The following PEX5L variants were observed in gnomAD, a reference collection of about 807,000 sequenced individuals.
The protein encoded by PEX5L is peroxisomal biogenesis factor 5 like.
In PEX5L, 30 loss-of-function variants were observed where a neutral mutation model predicts 84.0. The ratio of observed to expected loss-of-function variants is 0.36; its 90% CI spans 0.27 to 0.48. The LOEUF is 0.48. Ranked by LOEUF, PEX5L falls within the 20% of genes least tolerant of loss-of-function variation. PEX5L has a pLI of 0.99. For synonymous variants in PEX5L, 270 were observed against 283.1 expected (o/e 0.95, Z 0.46); for missense variants, 533 against 754.6 (o/e 0.71, Z 3.44).
chr3:179,863,090 G>T (rs548430014), intron 7 of PEX5L, among the ~76,000 whole-genome samples: 2 of 152,276 alleles, frequency 1.3e-5, no homozygotes, highest in Admixed American at 6.5e-5. Flanking sequence ...AATGGAGAAA[G>T]AACAGTGTCT....
At chr3:180,027,227 C>G (rs560728262) in intron 1 of PEX5L, among the ~76,000 whole-genome samples, 1 of 152,218 alleles carries the variant, frequency 6.6e-6, no homozygotes, top group Non-Finnish European at 1.5e-5. Flanking sequence ...GGGGTCCACA[C>G]TGACCTGTTC....
intron 1 of PEX5L, among the ~76,000 whole-genome samples, chr3:179,984,706 T>C (rs77471256): frequency 0.11 from 16,399 of 152,226 alleles, 918 homozygotes; most frequent in South Asian, 0.18. Context: ...TAGATTCTCA[T>C]GGAAAATTCC....
intron 7 of PEX5L, among the ~76,000 whole-genome samples, chr3:179,867,276 T>C (rs551379037): frequency 7.9e-5 from 12 of 152,224 alleles, no homozygotes; most frequent in Admixed American, 2.6e-4. Context: ...CAGAATAAAA[T>C]TTTGGGTTTT....
chr3:179,989,289 A>G (rs1366257060), intron 1 of PEX5L, among the ~76,000 whole-genome samples: 1 of 152,200 alleles, frequency 6.6e-6, no homozygotes, highest in Non-Finnish European at 1.5e-5. Context: ...TTAAAATGAG[A>G]CTATCTCTAC....
chr3:180,026,084 G>C (rs538361732), intron 1 of PEX5L, among the ~76,000 whole-genome samples: 5 of 149,164 alleles, frequency 3.4e-5, no homozygotes, highest in Non-Finnish European at 7.4e-5. Flanking sequence ...CAAATGTGAG[G>C]AATTATTAAG....
In PEX5L at chr3:179,991,488, G is replaced by T. The variant is rs369299090; in HGVS notation, c.22-19823C>A. Among the ~76,000 whole-genome samples the T allele has an allele frequency of 2.7e-3, 409 of 152,228 alleles. 1 individual carries two copies. Among genetic ancestry groups the T allele is most frequent in the African/African-American group, 9.1e-3 (376 of 41,544 alleles). Reference sequence around the variant, plus strand: ...GATGACCTGGCTGCTTTCCTGAGCTGCCCAAGGTCTCAGCATCCTTTTTTT... The same window carrying T: ...GATGACCTGGCTGCTTTCCTGAGCTTCCCAAGGTCTCAGCATCCTTTTTTT... On this transcript the variant is annotated intron_variant, in intron 1 of 14. Coordinates refer to ENST00000467460, the MANE Select transcript of PEX5L (RefSeq NM_016559.3).
In PEX5L at chr3:179,956,050, C is replaced by T. The variant is rs571108573; in HGVS notation, c.93+15544G>A. ...ATTTATTCACAGGAAGTAATCCTCT[C>T]GAGTGGCTCAAATGATTATTTTTAT... On this transcript the variant is annotated intron_variant, in intron 2 of 14. Coordinates refer to ENST00000467460, the MANE Select transcript of PEX5L (RefSeq NM_016559.3). 5.5e-4 allele frequency among the ~76,000 whole-genome samples: 84 copies of T among 152,202 alleles called. 3 individuals are homozygous for T. The South Asian group carries it at 0.017, about 31-fold the overall frequency.
At chr3:179,998,357 C>T (rs2110408342) in intron 1 of PEX5L, among the ~76,000 whole-genome samples, 1 of 152,316 alleles carries the variant, frequency 6.6e-6, no homozygotes, top group African/African-American at 2.4e-5. Flanking sequence ...CAGGAAAAGG[C>T]TTTGCAACAG....
At position 179,800,275 on chromosome 3, in the gene PEX5L, T is replaced by A. The variant is rs1718476343; in HGVS notation, c.*1553A>T. On this transcript the variant is annotated 3_prime_UTR_variant, in exon 15 of 15. Coordinates refer to ENST00000467460, the MANE Select transcript of PEX5L (RefSeq NM_016559.3). Reference sequence around the variant, plus strand: ...GGAGTCTTTTTTGTTGTTGTTGTTTTATTTTTTGTGGGTAGCTATAATCAT... The same window carrying A: ...GGAGTCTTTTTTGTTGTTGTTGTTTAATTTTTTGTGGGTAGCTATAATCAT... 1 of 152,222 alleles carries A rather than the reference T, an allele frequency of 6.6e-6. No individual in the cohort carries two copies. The highest frequency in any genetic ancestry group is 2.4e-5 in the African/African-American group (1 of 41,462). The allele number at this position is 152,222 out of a possible 1,614,324, so 9.4% of individuals were successfully genotyped here.
At chr3:179,977,765 A>G (rs914527766) in intron 1 of PEX5L, among the ~76,000 whole-genome samples, 1 of 152,038 alleles carries the variant, frequency 6.6e-6, no homozygotes, top group Non-Finnish European at 1.5e-5. Context: ...TTCTGAAGGG[A>G]AATTATTATT....
intron 8 of PEX5L, among the ~76,000 whole-genome samples, chr3:179,852,273 C>T (rs1742210846): frequency 6.6e-6 from 1 of 152,100 alleles, no homozygotes; most frequent in African/African-American, 2.4e-5. Flanking sequence ...GACAGGAGAC[C>T]TCATATGGGC....
rs889832549 is a variant in PEX5L at position 179,795,000 on chromosome 3, A to G, written c.*6828T>C. ...ATTCTAAAAAGAATCACAAAATTCA[A>G]TTTCAGGTTAAATAATATTTTAGTC... On this transcript the variant is annotated 3_prime_UTR_variant, in exon 15 of 15. Coordinates refer to ENST00000467460, the MANE Select transcript of PEX5L (RefSeq NM_016559.3). 2 of 152,236 alleles carry G rather than the reference A, an allele frequency of 1.3e-5. No homozygotes were observed. The allele number at this position is 152,236 out of a possible 1,614,324, so 9.4% of individuals were successfully genotyped here. A position where few individuals can be genotyped will look rare whatever the true frequency, so the allele number is the denominator to read the frequency against.
chr3:179,965,458 C>T (rs527448433), intron 2 of PEX5L, among the ~76,000 whole-genome samples: 2 of 152,246 alleles, frequency 1.3e-5, no homozygotes, highest in Non-Finnish European at 2.9e-5. Context: ...ACTTAAACTG[C>T]TTACTCCAAA....
At chr3:179,869,421 A>T (rs1320687660) in intron 7 of PEX5L, among the ~76,000 whole-genome samples, 1 of 152,236 alleles carries the variant, frequency 6.6e-6, no homozygotes, top group African/African-American at 2.4e-5. Flanking sequence ...TTAGTTACAC[A>T]GTTTGGGTAA....
chr3:179,845,103 T>C (rs1560344550), intron 8 of PEX5L, among the ~76,000 whole-genome samples: 1 of 152,232 alleles, frequency 6.6e-6, no homozygotes, highest in Non-Finnish European at 1.5e-5. Context: ...CATAGCCACT[T>C]CATCGATGTG....
At chr3:179,980,102 C>G (rs978577866) in intron 1 of PEX5L, among the ~76,000 whole-genome samples, 1 of 152,186 alleles carries the variant, frequency 6.6e-6, no homozygotes, top group African/African-American at 2.4e-5. Context: ...TTTATACCTT[C>G]TCTAGACCAG....
At chr3:179,827,190 G>A (rs1487032451) in intron 8 of PEX5L, among the ~76,000 whole-genome samples, 1 of 152,154 alleles carries the variant, frequency 6.6e-6, no homozygotes, top group Non-Finnish European at 1.5e-5. Context: ...GTCTTTGAAT[G>A]CCTGCCTTGA....
intron 2 of PEX5L, among the ~76,000 whole-genome samples, chr3:179,906,733 A>G (rs57823511): frequency 0.27 from 41,567 of 151,990 alleles, 6,160 homozygotes; most frequent in Non-Finnish European, 0.33. Context: ...TGTTATTTTT[A>G]AGTAAAGGAA....
Position 179,799,051 on chromosome 3 carries a change from CTGGTATTACAGG to C in PEX5L, c.*2765_*2776del, listed in dbSNP as rs68054193. The C allele has an allele frequency of 0.29, 44,027 of 151,852 alleles. 6,720 individuals carry two copies. Among genetic ancestry groups the C allele is most frequent in the African/African-American group, 0.39 (15,919 of 41,314 alleles). 9.4% of individuals were successfully genotyped at this position (151,852 alleles called of 1,614,324 possible). On this transcript the variant is annotated 3_prime_UTR_variant, in exon 15 of 15. Transcript: ENST00000467460. Reference sequence around the variant, plus strand: ...TCTCCTGCCTCAGCCTCCTGAGTAGCTGGTATTACAGGTGCATACCACTACACCCGGCTAATT... The same window carrying C: ...TCTCCTGCCTCAGCCTCCTGAGTAGCTGCATACCACTACACCCGGCTAATT...
Sources: gnomAD v4.1 joint callset for allele counts (sites outside exome capture counted in the v4.1 genomes callset) on GRCh38, gnomAD v4.1.1 for gene constraint, MANE v1.5 for transcripts, NCBI Gene and HGNC (gene_info 2026-07-23, HGNC 2026-07-21) for gene names.